ANKFN1: variants seen among roughly 807,000 people sequenced by gnomAD.
ANKFN1 encodes the protein ankyrin repeat and fibronectin type III domain containing 1.
A neutral mutation model predicts 108.7 loss-of-function variants in ANKFN1; 74 were observed. That is an observed-to-expected ratio of 0.68 (90% confidence interval 0.56 to 0.83). ANKFN1 has a LOEUF of 0.83. Among genes scored for constraint, ANKFN1 ranks in the 40% least tolerant of loss-of-function variants. The pLI, the probability that ANKFN1 is intolerant of heterozygous loss-of-function variation, is 0.00. For missense variants in ANKFN1, 1,505 were observed against 1,382.3 expected (o/e 1.09, Z -1.41); for synonymous variants, 547 against 516.2 (o/e 1.06, Z -0.81).
intron 8 of ANKFN1, among the ~76,000 whole-genome samples, chr17:56,425,151 A>T (rs1303665212): frequency 6.6e-6 from 1 of 151,894 alleles, no homozygotes; most frequent in Non-Finnish European, 1.5e-5. Context: ...AAAGTAGCTG[A>T]ACTCCAGTAT....
intron 4 of ANKFN1, among the ~76,000 whole-genome samples, chr17:56,092,728 G>T (rs1905443004): frequency 6.6e-6 from 1 of 151,166 alleles, no homozygotes; most frequent in Admixed American, 6.6e-5. Context: ...GCCGTCTAGA[G>T]TCTCATCTGG....
chr17:56,189,271 C>T (rs1327663211), intron 1 of ANKFN1, among the ~76,000 whole-genome samples: 3 of 140,122 alleles, frequency 2.1e-5, no homozygotes, highest in East Asian at 2.2e-4. Flanking sequence ...CCCGGGTTCA[C>T]GCCATTCTCC....
intron 16 of ANKFN1, 116 bp downstream of exon 16, chr17:56,477,770 G>A (rs2050555947): frequency 1.9e-6 from 2 of 1,068,262 alleles, no homozygotes; most frequent in Admixed American, 2.3e-5. Flanking sequence ...ATGGTGAGGT[G>A]TCCTCAGATG....
At chr17:56,380,566 C>T (rs1471057079) in intron 8 of ANKFN1, among the ~76,000 whole-genome samples, 3 of 152,176 alleles carry the variant, frequency 2.0e-5, no homozygotes, top group South Asian at 2.1e-4. Context: ...CCTGGAAAAT[C>T]GGGTCACTTC....
intron 4 of ANKFN1, among the ~76,000 whole-genome samples, chr17:56,082,445 A>C (rs574692844): frequency 3.7e-4 from 56 of 152,076 alleles, no homozygotes; most frequent in African/African-American, 1.2e-3. Context: ...CACACACAAA[A>C]AAAAACCACG....
intron 3 of ANKFN1, among the ~76,000 whole-genome samples, chr17:56,322,011 C>T (rs1165141869): frequency 6.6e-6 from 1 of 152,160 alleles, no homozygotes; most frequent in Non-Finnish European, 1.5e-5. Context: ...AGAGGCAGCT[C>T]ATCTGTCACA....
intron 4 of ANKFN1, among the ~76,000 whole-genome samples, chr17:56,060,402 C>T (rs1904952344): frequency 6.6e-6 from 1 of 152,142 alleles, no homozygotes; most frequent in Admixed American, 6.5e-5. Context: ...TTCCTCTCTT[C>T]CTGTTTGAAT....
Position 56,293,050 on chromosome 17 carries a change from T to C in ANKFN1, c.54-33171T>C, listed in dbSNP as rs547162827. Reference sequence around the variant, plus strand: ...GTCATCAATTTTATGACTTCACTTATTCATTCAGAAATTACTCATTTTTGA... The same window carrying C: ...GTCATCAATTTTATGACTTCACTTACTCATTCAGAAATTACTCATTTTTGA... On this transcript the variant is annotated intron_variant, in intron 3 of 20. Coordinates refer to ENST00000682825, the MANE Select transcript of ANKFN1 (RefSeq NM_001370326.1). 6.7e-4 allele frequency among the ~76,000 whole-genome samples: 102 copies of C among 152,340 alleles called. 2 individuals carry two copies. In the South Asian group the frequency reaches 0.02, roughly 30 times the overall value.
rs1555600057 is a variant in ANKFN1 at position 56,144,185 on chromosome 17, A to ACTACT, written c.289-83731_289-83730insTACTC. Reference sequence around the variant, plus strand: ...AAAAAAAAAAAAAAAAAAAAAAAAAACAGCCCAAACCAAATGAATGCAGAG... The same window carrying ACTACT: ...AAAAAAAAAAAAAAAAAAAAAAAAAACTACTCAGCCCAAACCAAATGAATGCAGAG... On this transcript the variant is annotated intron_variant, in intron 4 of 12. Coordinates refer to the ANKFN1 transcript ENST00000635860. Among the ~76,000 whole-genome samples the ACTACT allele has an allele frequency of 2.4e-3, 241 of 99,242 alleles. 47 individuals are homozygous for ACTACT. Among genetic ancestry groups the ACTACT allele is most frequent in the Middle Eastern group, 4.6e-3 (1 of 216 alleles). The allele number at this position is 99,242 out of a possible 152,430, so 65.1% of individuals were successfully genotyped here. A position where few individuals can be genotyped will look rare whatever the true frequency, so the allele number is the denominator to read the frequency against.
At chr17:56,221,412 G>A (rs942261071) in intron 2 of ANKFN1, among the ~76,000 whole-genome samples, 3 of 152,070 alleles carry the variant, frequency 2.0e-5, no homozygotes, top group Non-Finnish European at 2.9e-5. Flanking sequence ...TAGATGAAAG[G>A]TGACCAAATT....
Position 56,456,858 on chromosome 17 carries a change from C to T in ANKFN1, c.1208-3C>T. 6.2e-7 allele frequency: 1 copy of T among 1,613,356 alleles called. No homozygotes were observed. Among genetic ancestry groups the T allele is most frequent in the Non-Finnish European group, 8.5e-7 (1 of 1,179,406 alleles). On this transcript the variant is annotated splice_region_variant and splice_polypyrimidine_tract_variant and intron_variant, in intron 11 of 20. Coordinates refer to ENST00000682825, the MANE Select transcript of ANKFN1 (RefSeq NM_001370326.1). ...ATACTGTATTTTTTAAAATACATTC[C>T]AGAAAGCACAAAATTACAAACCACA... is the stretch of plus-strand genomic sequence containing the variant.
intron 1 of ANKFN1, among the ~76,000 whole-genome samples, chr17:56,158,206 G>A (rs914821214): frequency 1.3e-5 from 2 of 152,160 alleles, no homozygotes; most frequent in Admixed American, 6.5e-5. Context: ...TTCACAGGCT[G>A]AGCAACTCCC....
rs756247685 is a variant in ANKFN1, at chr17:56,328,951, C to T, written c.188+2596C>T. Among the ~76,000 whole-genome samples the T allele has an allele frequency of 1.1e-3, 171 of 152,074 alleles. 1 individual carries two copies. The highest frequency in any genetic ancestry group is 2.0e-3 in the Admixed American group (30 of 15,262). On this transcript the variant is annotated intron_variant, in intron 4 of 20. Transcript: ENST00000682825. ...TGTCCAGCCCACCCCATCCCCATTGCCACAAGCTTTAGTTGAAGTCACCAG... is the reference window on the plus strand; with the variant it reads ...TGTCCAGCCCACCCCATCCCCATTGTCACAAGCTTTAGTTGAAGTCACCAG...
chr17:56,266,247 C>T (rs1278270909), intron 3 of ANKFN1, among the ~76,000 whole-genome samples: 1 of 152,150 alleles, frequency 6.6e-6, no homozygotes, highest in Non-Finnish European at 1.5e-5. Context: ...TGCACGAGCA[C>T]TGTATATTCT....
intron 1 of ANKFN1, among the ~76,000 whole-genome samples, chr17:56,186,920 A>T (rs1349185416): frequency 6.6e-6 from 1 of 152,244 alleles, no homozygotes; most frequent in Non-Finnish European, 1.5e-5. Context: ...CTTACACCTT[A>T]TACAAAAATT....
intron 1 of ANKFN1, among the ~76,000 whole-genome samples, chr17:56,179,464 A>G (rs1189876260): frequency 6.6e-6 from 1 of 152,156 alleles, no homozygotes; most frequent in Non-Finnish European, 1.5e-5. Flanking sequence ...GAAGAACGGA[A>G]CGCATTTTTT....
At chr17:56,243,593 C>A (rs1917740706) in intron 3 of ANKFN1, among the ~76,000 whole-genome samples, 1 of 152,122 alleles carries the variant, frequency 6.6e-6, no homozygotes, top group South Asian at 2.1e-4. Flanking sequence ...AGCATTTTTA[C>A]TTTGTAGTAA....
intron 3 of ANKFN1, among the ~76,000 whole-genome samples, chr17:56,305,639 T>G (rs946519371): frequency 1.3e-5 from 2 of 152,246 alleles, no homozygotes; most frequent in African/African-American, 4.8e-5. Flanking sequence ...AAAAGTAAGT[T>G]CATGTTGTTA....
At position 56,102,337 on chromosome 17, in the gene ANKFN1, C is replaced by T. The variant is rs527980478; in HGVS notation, c.288+56012C>T. ...GTATAATTGTCTATACTAGACTATA[C>T]TAGTCTATACTAGACTACATCATAG... On this transcript the variant is annotated intron_variant, in intron 4 of 12. Coordinates refer to the ANKFN1 transcript ENST00000635860. 5.9e-5 allele frequency among the ~76,000 whole-genome samples: 9 copies of T among 152,208 alleles called. No individual in the cohort carries two copies. In the South Asian group the frequency reaches 8.3e-4, roughly 14 times the overall value.
Sources: gnomAD v4.1 joint callset for allele counts (sites outside exome capture counted in the v4.1 genomes callset) on GRCh38, gnomAD v4.1.1 for gene constraint, MANE v1.5 for transcripts, NCBI Gene and HGNC (gene_info 2026-07-23, HGNC 2026-07-21) for gene names.